CTNNA2: variants seen among roughly 807,000 people sequenced by gnomAD.
The protein encoded by CTNNA2 is catenin alpha-2.
Under a neutral mutation model 101.0 loss-of-function variants are expected in CTNNA2, and 42 were observed. That is an observed-to-expected ratio of 0.42 (90% confidence interval 0.32 to 0.54). The LOEUF is 0.54. CTNNA2 is among the 20% of genes least tolerant of loss of function. CTNNA2 has a pLI of 0.14. For missense variants in CTNNA2, 871 were observed against 1,223.1 expected (o/e 0.71, Z 4.29); for synonymous variants, 450 against 456.4 (o/e 0.99, Z 0.18).
rs1329190701 is a variant in CTNNA2 at position 80,341,704 on chromosome 2, G to A, written c.1057-51507G>A. 2.0e-5 allele frequency among the ~76,000 whole-genome samples: 3 copies of A among 152,158 alleles called. No homozygotes were observed. The East Asian group carries it at 5.8e-4, about 29-fold the overall frequency. On this transcript the variant is annotated intron_variant, in intron 7 of 18. Coordinates refer to ENST00000402739, the MANE Select transcript of CTNNA2 (RefSeq NM_001282597.3). ...TACAGCTACTTTGCAAAATAGTTCG[G>A]TAGGTTCTCAAGTTGCTAAATATAG...
At chr2:79,761,921 A>C (rs548852112) in intron 3 of CTNNA2, among the ~76,000 whole-genome samples, 1 of 152,314 alleles carries the variant, frequency 6.6e-6, no homozygotes, top group African/African-American at 2.4e-5. Context: ...AAGTGTGAGT[A>C]TTATAACTAA....
chr2:79,286,215 C>T (rs1352343323), intron 2 of CTNNA2, among the ~76,000 whole-genome samples: 2 of 152,074 alleles, frequency 1.3e-5, no homozygotes, highest in Admixed American at 1.3e-4. Context: ...TCCAATTTGC[C>T]AGTCTGTGTC....
intron 15 of CTNNA2, among the ~76,000 whole-genome samples, chr2:80,592,439 C>T (rs146685002): frequency 3.1e-4 from 47 of 152,276 alleles, no homozygotes; most frequent in African/African-American, 9.9e-4. Context: ...CTTTCTTGAC[C>T]TTTAGGCTTC....
At chr2:79,802,445 A>G (rs1240033688) in intron 3 of CTNNA2, among the ~76,000 whole-genome samples, 1 of 152,174 alleles carries the variant, frequency 6.6e-6, no homozygotes, top group African/African-American at 2.4e-5. Flanking sequence ...GCCAAGTTTC[A>G]TTACTGCTTG....
chr2:80,184,487 G>A (rs867445257), intron 7 of CTNNA2, among the ~76,000 whole-genome samples: 7 of 152,114 alleles, frequency 4.6e-5, no homozygotes, highest in South Asian at 2.1e-4. Context: ...ATGAATTGAA[G>A]CATGTTTGAA....
chr2:79,449,485 A>G (rs1370744763), intron 4 of CTNNA2, among the ~76,000 whole-genome samples: 1 of 152,050 alleles, frequency 6.6e-6, no homozygotes, highest in Non-Finnish European at 1.5e-5. Flanking sequence ...CTGTTGCAAG[A>G]AATACTCATT....
intron 7 of CTNNA2, among the ~76,000 whole-genome samples, chr2:80,363,733 GA>G (rs1365243046): frequency 1.3e-5 from 2 of 152,130 alleles, no homozygotes; most frequent in Admixed American, 1.3e-4. Flanking sequence ...ATGCCAGTTA[GA>G]AATTATTCAG....
chr2:79,583,022 ATAAT>A (rs1676246237), intron 1 of CTNNA2, among the ~76,000 whole-genome samples: 1 of 152,086 alleles, frequency 6.6e-6, no homozygotes, highest in Admixed American at 6.6e-5. Context: ...TTCACTGAGC[ATAAT>A]TATTTTTGAA....
intron 2 of CTNNA2, among the ~76,000 whole-genome samples, chr2:79,291,052 T>TC (rs1230087207): frequency 6.6e-6 from 1 of 151,766 alleles, no homozygotes; most frequent in Non-Finnish European, 1.5e-5. Context: ...GTCTGCATGC[T>TC]CCCCCAAGAG....
chr2:80,193,613 G>A (rs1706661370), intron 7 of CTNNA2, among the ~76,000 whole-genome samples: 2 of 152,196 alleles, frequency 1.3e-5, no homozygotes, highest in African/African-American at 2.4e-5. Context: ...TCTCTGCTGG[G>A]CAGTGCTGCT....
At chr2:79,403,959 A>G (rs1678314889) in intron 4 of CTNNA2, among the ~76,000 whole-genome samples, 1 of 152,032 alleles carries the variant, frequency 6.6e-6, no homozygotes, top group African/African-American at 2.4e-5. Flanking sequence ...ACAAACAGTC[A>G]CAGTCCTGGA....
rs1471594239 is a variant in CTNNA2, at chr2:80,647,830, T to G, written c.2820T>G (p.Pro940=). Residue 940 remains proline (P), a synonymous_variant, in exon 19 of 19, where the codon CCT becomes CCG. Coordinates refer to ENST00000402739, the MANE Select transcript of CTNNA2 (RefSeq NM_001282597.3). ...GTTCTCAGAAGAAACACATTTCGCC[T>G]GTACAGGCTTTAAGTGAATTCAAAG... is the stretch of plus-strand genomic sequence containing the variant. ...RRGSQKKHIS[P]VQALSEFKAM... is the part of the protein sequence containing the mutation. 6.2e-7 allele frequency: 1 copy of G among 1,612,928 alleles called. No homozygotes were observed. The highest frequency in any genetic ancestry group is 8.5e-7 in the Non-Finnish European group (1 of 1,179,266).
At chr2:80,576,858 TG>T (rs1226260336) in intron 13 of CTNNA2, among the ~76,000 whole-genome samples, 1 of 150,384 alleles carries the variant, frequency 6.6e-6, no homozygotes, top group Non-Finnish European at 1.5e-5. Flanking sequence ...CCTAGCTACT[TG>T]GGAGGCTGTG....
chr2:80,633,326 GC>G (rs1474641061), intron 18 of CTNNA2, among the ~76,000 whole-genome samples: 1 of 152,148 alleles, frequency 6.6e-6, no homozygotes, highest in African/African-American at 2.4e-5. Context: ...CATGTAGACA[GC>G]TTTTTTGGCT....
chr2:79,869,792 A>G (rs1682446321), intron 4 of CTNNA2, 24 bp from the exon 5 acceptor site: 1 of 1,604,668 alleles, frequency 6.2e-7, no homozygotes, highest in African/African-American at 1.3e-5. Context: ...CCACTAATAA[A>G]TATGTTGTTT....
At chr2:79,264,416 A>T (rs796629234) in intron 2 of CTNNA2, among the ~76,000 whole-genome samples, 3 of 151,982 alleles carry the variant, frequency 2.0e-5, no homozygotes, top group African/African-American at 7.2e-5. Context: ...GACATGGCTA[A>T]TTTTTTTATA....
intron 1 of CTNNA2, chr2:79,523,372 C>CCTG: frequency 3.6e-6 from 1 of 275,590 alleles, no homozygotes; most frequent in Non-Finnish European, 7.2e-6. Context: ...ATGTTCTATA[C>CCTG]TTTATTTTCA....
chr2:79,886,892 T>G (rs1328560587), intron 6 of CTNNA2, among the ~76,000 whole-genome samples: 3 of 151,234 alleles, frequency 2.0e-5, no homozygotes, highest in Non-Finnish European at 4.4e-5. Flanking sequence ...AGTGGCATGA[T>G]CTCAACTCAC....
chr2:80,009,726 C>CTGTG (rs57813087), intron 7 of CTNNA2, among the ~76,000 whole-genome samples: 2,158 of 147,892 alleles, frequency 0.015, 46 homozygotes, highest in African/African-American at 0.046. Context: ...TGGTGTGTGT[C>CTGTG]TGTGTGTGTG....
Sources: gnomAD v4.1 joint callset for allele counts (sites outside exome capture counted in the v4.1 genomes callset) on GRCh38, gnomAD v4.1.1 for gene constraint, MANE v1.5 for transcripts, NCBI Gene and HGNC (gene_info 2026-07-23, HGNC 2026-07-21) for gene names.